The following NHSL2 variants were observed in gnomAD, a reference collection of about 807,000 sequenced individuals.
NHSL2 encodes the protein NHS-like protein 2.
A neutral mutation model predicts 53.4 loss-of-function variants in NHSL2; 27 were observed. That is an observed-to-expected ratio of 0.51 (90% CI 0.37 to 0.70). The LOEUF (loss-of-function observed/expected upper bound fraction) is 0.70. NHSL2 is among the 30% of genes least tolerant of loss of function. NHSL2 has a pLI of 0.00. For missense variants in NHSL2, 892 were observed against 980.1 expected (o/e 0.91, Z 1.20); for synonymous variants, 408 against 404.1 (o/e 1.01, Z -0.12).
intron 1 of NHSL2, 168 bp from the exon 2 acceptor site, chrX:72,131,911 T>C: frequency 2.1e-6 from 1 of 471,002 alleles, no homozygotes; most frequent in Non-Finnish European, 3.6e-6. Flanking sequence ...GCAGGATCTG[T>C]CGAGGAAAAA....
intron 7 of NHSL2, among the ~76,000 whole-genome samples, chrX:72,142,646 A>T (rs953369392): frequency 1.8e-5 from 2 of 110,103 alleles, no homozygotes; most frequent in African/African-American, 6.6e-5. Flanking sequence ...GCCGAGTGAG[A>T]GGCCCCTCGT....
At position 71,911,231 on chromosome X, in the gene NHSL2, G is replaced by A. The variant is rs1018825712; in HGVS notation, c.144G>A (p.Leu48=). The change falls in exon 1 of 8, where the codon TTG becomes TTA. Residue 48 remains leucine, a synonymous_variant. Coordinates refer to ENST00000633930, the MANE Select transcript of NHSL2 (RefSeq NM_001013627.3). ...TCGCCGACCTCTGTGGCCACTCGTT[G>A]GCTCTGCTCGAGGACCTCGAGGGGC... ...RQLADLCGHS[L]ALLEDLEGHL... The A allele has an allele frequency of 1.9e-5, 22 of 1,147,914 alleles. No homozygotes were observed. Among genetic ancestry groups the A allele is most frequent in the Non-Finnish European group, 1.2e-6 (1 of 869,187 alleles). The allele number at this position is 1,147,914 out of a possible 1,213,427, so 94.6% of individuals were successfully genotyped here. A position where few individuals can be genotyped will look rare whatever the true frequency, so the allele number is the denominator to read the frequency against.
chrX:72,074,027 T>C lies in NHSL2; in HGVS notation c.281-58052T>C, dbSNP rs746335969. On this transcript the variant is annotated intron_variant, in intron 1 of 7. Coordinates refer to ENST00000633930, the MANE Select transcript of NHSL2 (RefSeq NM_001013627.3). ...AAGCTAGAGCCAGGGATTCCTGAGG[T>C]AATAAGAAAGTAGAGGATTCTTGAA... 6.8e-4 allele frequency among the ~76,000 whole-genome samples: 77 copies of C among 112,467 alleles called. 1 individual carries two copies. Among genetic ancestry groups the C allele is most frequent in the Non-Finnish European group, 9.0e-4 (48 of 53,293 alleles).
chrX:72,144,722 A>G lies in NHSL2; in HGVS notation c.*1148A>G, dbSNP rs2042450298. On this transcript the variant is annotated 3_prime_UTR_variant, in exon 8 of 8. Coordinates refer to ENST00000633930, the MANE Select transcript of NHSL2 (RefSeq NM_001013627.3). Reference sequence around the variant, plus strand: ...CCATAATGCACACACACACACACACACACACACACACACACACACACACAA... The same window carrying G: ...CCATAATGCACACACACACACACACGCACACACACACACACACACACACAA... The G allele has an allele frequency of 4.6e-6, 1 of 218,433 alleles. No homozygotes were observed. The highest frequency in any genetic ancestry group is 8.7e-6 in the Non-Finnish European group (1 of 115,366). 18.0% of individuals were successfully genotyped at this position (218,433 alleles called of 1,213,427 possible).
rs764641092 is a variant in NHSL2, at chrX:72,150,362, C to A, written c.*6788C>A. The A allele has an allele frequency of 8.9e-6, 1 of 112,024 alleles. No homozygotes were observed. Among genetic ancestry groups the A allele is most frequent in the Non-Finnish European group, 1.9e-5 (1 of 53,196 alleles). 9.2% of individuals were successfully genotyped at this position (112,024 alleles called of 1,213,427 possible). On this transcript the variant is annotated 3_prime_UTR_variant, in exon 8 of 8. Coordinates refer to ENST00000633930, the MANE Select transcript of NHSL2 (RefSeq NM_001013627.3). Reference sequence around the variant, plus strand: ...ATGTCTCTACTTTTTTTAGTGCAAACTTTTGTATTTGGTGTTTATTTAAAA... The same window carrying A: ...ATGTCTCTACTTTTTTTAGTGCAAAATTTTGTATTTGGTGTTTATTTAAAA...
intron 1 of NHSL2, chrX:72,079,661 G>C (rs1285903453): frequency 1.8e-5 from 2 of 112,643 alleles, no homozygotes; most frequent in African/African-American, 6.5e-5. Flanking sequence ...GTGTGGAAGA[G>C]AGACTTGCAA....
intron 1 of NHSL2, among the ~76,000 whole-genome samples, chrX:71,998,647 G>A (rs931591474): frequency 8.9e-6 from 1 of 111,955 alleles, no homozygotes; most frequent in African/African-American, 3.3e-5. Context: ...TCTGGCATTA[G>A]TTGTCCTCTG....
chrX:72,022,315 T>C lies in NHSL2; in HGVS notation c.281-109764T>C, dbSNP rs146195241. Among the ~76,000 whole-genome samples, 313 of 112,665 alleles carry C rather than the reference T, an allele frequency of 2.8e-3. 1 individual carries two copies. The highest frequency in any genetic ancestry group is 9.6e-3 in the African/African-American group (298 of 31,006). ...GCTTGAAGAACTATTTCCAGAATCT[T>C]TCTTCTCCATTCTGAACTTGCTTTC... On this transcript the variant is annotated intron_variant, in intron 1 of 7. Transcript: ENST00000633930.
chrX:71,911,551 C>A (rs1280605807), intron 1 of NHSL2, among the ~76,000 whole-genome samples, 184 bp downstream of exon 1: 1 of 112,073 alleles, frequency 8.9e-6, no homozygotes, highest in Admixed American at 9.3e-5. Context: ...CGCCCTACCG[C>A]TGGAACTTCC....
chrX:72,137,230 C>T lies in NHSL2; in HGVS notation c.892+5C>T, dbSNP rs2042363204. On this transcript the variant is annotated splice_donor_5th_base_variant and intron_variant, in intron 5 of 7. Coordinates refer to ENST00000633930, the MANE Select transcript of NHSL2 (RefSeq NM_001013627.3). ...ACTTTTCCCAGCGAGACCAAGGTGA[C>T]CCCACCACAGCTGATTCCCCAGTCC... 8.6e-7 allele frequency: 1 copy of T among 1,162,875 alleles called. No homozygotes were observed.
chrX:71,977,157 G>T (rs2041952003), intron 1 of NHSL2, among the ~76,000 whole-genome samples: 1 of 111,817 alleles, frequency 8.9e-6, no homozygotes, highest in African/African-American at 3.2e-5. Flanking sequence ...AGGTGCCCCA[G>T]ATGGAGAAAC....
chrX:72,133,289 G>A lies in NHSL2; in HGVS notation c.437-802G>A, dbSNP rs146184606. 2.7e-3 allele frequency among the ~76,000 whole-genome samples: 302 copies of A among 111,909 alleles called. 4 individuals carry two copies. Among genetic ancestry groups the A allele is most frequent in the African/African-American group, 9.6e-3 (297 of 30,795 alleles). On this transcript the variant is annotated intron_variant, in intron 2 of 7. Coordinates refer to ENST00000633930, the MANE Select transcript of NHSL2 (RefSeq NM_001013627.3). The stretch of plus-strand genomic sequence containing the variant: ...CTGAGGCTGAAGAAACACCTAGAAG[G>A]GCTGCTGAGGAGGGAGTCTGGGCAC...
At chrX:72,042,668 G>A (rs1291711283) in intron 1 of NHSL2, among the ~76,000 whole-genome samples, 1 of 109,345 alleles carries the variant, frequency 9.1e-6, no homozygotes, top group East Asian at 2.9e-4. Context: ...AGTAATGGGA[G>A]GAGCTTGAGG....
chrX:72,131,953 C>G (rs917633535), intron 1 of NHSL2, 126 bp from the exon 2 acceptor site: 92 of 626,851 alleles, frequency 1.5e-4, no homozygotes, highest in Non-Finnish European at 2.1e-4. Context: ...GCCTTTTAAG[C>G]GCAGCCTCGC....
At chrX:71,982,112 T>C (rs187746450) in intron 1 of NHSL2, among the ~76,000 whole-genome samples, 599 of 112,182 alleles carry the variant, frequency 5.3e-3, no homozygotes, top group Non-Finnish European at 9.7e-3. Context: ...GGATAAACAG[T>C]TGTGGTATAT....
At position 72,144,549 on chromosome X, in the gene NHSL2, C is replaced by T. The variant is rs1231578694; in HGVS notation, c.*975C>T. The T allele has an allele frequency of 2.0e-6, 2 of 1,024,892 alleles. No homozygotes were observed. Among genetic ancestry groups the T allele is most frequent in the East Asian group, 1.2e-4 (2 of 16,361 alleles). 84.5% of individuals were successfully genotyped at this position (1,024,892 alleles called of 1,213,427 possible). A position where few individuals can be genotyped will look rare whatever the true frequency, so the allele number is the denominator to read the frequency against. The stretch of plus-strand genomic sequence containing the variant: ...CAAGGATAATGGAAAGTAAGTGCAT[C>T]TTGCCCCCCACCAGTCAATTCAGAT... On this transcript the variant is annotated 3_prime_UTR_variant, in exon 8 of 8. Coordinates refer to ENST00000633930, the MANE Select transcript of NHSL2 (RefSeq NM_001013627.3).
rs182024032 is a variant in NHSL2 at position 71,994,474 on chromosome X, C to A, written c.280+83107C>A. On this transcript the variant is annotated intron_variant, in intron 1 of 7. Coordinates refer to ENST00000633930, the MANE Select transcript of NHSL2 (RefSeq NM_001013627.3). ...GAGCAGACCCCTGGAGTTATGGATA[C>A]CAATGGCATGTTCACGCCCCAGTGT... Among the ~76,000 whole-genome samples the A allele has an allele frequency of 2.7e-5, 3 of 110,551 alleles. No individual in the cohort carries two copies. In the East Asian group the frequency reaches 8.6e-4, roughly 32 times the overall value.
intron 1 of NHSL2, among the ~76,000 whole-genome samples, chrX:72,066,625 A>C (rs2042431478): frequency 9.0e-6 from 1 of 111,572 alleles, no homozygotes; most frequent in East Asian, 2.8e-4. Flanking sequence ...GGGAGAAAGG[A>C]GGGGTTCCGC....
chrX:71,927,557 T>C (rs930948696), intron 1 of NHSL2, among the ~76,000 whole-genome samples: 14 of 110,821 alleles, frequency 1.3e-4, no homozygotes, highest in African/African-American at 3.6e-4. Flanking sequence ...TTCTTTTTTT[T>C]TTTTCTTTTC....
Sources: allele counts gnomAD v4.1 joint callset (sites outside exome capture counted in the v4.1 genomes callset), GRCh38; gene constraint gnomAD v4.1.1; transcripts MANE v1.5; gene names NCBI Gene and HGNC (gene_info 2026-07-23, HGNC 2026-07-21).